Variants in NFIA observed in about 807,000 individuals in gnomAD.
NFIA encodes nuclear factor 1 A-type.
Under a neutral mutation model 62.8 loss-of-function variants are expected in NFIA, and 8 were observed. That is an observed-to-expected ratio of 0.13 (90% CI 0.07 to 0.23). The LOEUF is 0.23. Among genes scored for constraint, NFIA ranks in the 10% least tolerant of loss-of-function variants. NFIA has a pLI of 1.00. For missense variants in NFIA, 410 were observed against 642.1 expected (o/e 0.64, Z 3.91); for synonymous variants, 235 against 238.1 (o/e 0.99, Z 0.12).
chr1:61,159,129 G>A (rs1008424095), intron 2 of NFIA, among the ~76,000 whole-genome samples: 1 of 151,892 alleles, frequency 6.6e-6, no homozygotes, highest in Non-Finnish European at 1.5e-5. Context: ...AATAGCTACC[G>A]AGGAATTACC....
At chr1:61,293,996 A>G (rs1211423379) in intron 3 of NFIA, among the ~76,000 whole-genome samples, 2 of 152,234 alleles carry the variant, frequency 1.3e-5, no homozygotes, top group African/African-American at 4.8e-5. Flanking sequence ...CCATTTGTTG[A>G]GTTTAAATTA....
intron 2 of NFIA, among the ~76,000 whole-genome samples, chr1:61,220,260 G>A (rs1653935910): frequency 6.6e-6 from 1 of 152,148 alleles, no homozygotes; most frequent in African/African-American, 2.4e-5. Flanking sequence ...GTACATGTGT[G>A]TTTCTTCCCT....
intron 4 of NFIA, among the ~76,000 whole-genome samples, chr1:61,337,035 T>A (rs1301501507): frequency 6.6e-6 from 1 of 152,250 alleles, no homozygotes; most frequent in African/African-American, 2.4e-5. Context: ...AGGGAGGTGC[T>A]ATTTCAGTAT....
At chr1:61,283,003 G>A (rs1261480673) in intron 3 of NFIA, among the ~76,000 whole-genome samples, 1 of 152,114 alleles carries the variant, frequency 6.6e-6, no homozygotes, top group East Asian at 1.9e-4. Flanking sequence ...CATGATGCTT[G>A]CCCCAGATTT....
chr1:61,262,980 C>T (rs1656864200), intron 2 of NFIA, among the ~76,000 whole-genome samples: 1 of 152,198 alleles, frequency 6.6e-6, no homozygotes, highest in African/African-American at 2.4e-5. Flanking sequence ...TGAATAAACT[C>T]TGATTCTTAC....
chr1:61,310,764 TTTCCTTCC>T lies in NFIA; in HGVS notation c.626-21722_626-21715del, dbSNP rs372925891. On this transcript the variant is annotated intron_variant, in intron 3 of 10. Coordinates refer to ENST00000403491, the MANE Select transcript of NFIA (RefSeq NM_001134673.4). Reference sequence around the variant, plus strand: ...ATCCCCTCCTCCTGCTTCTCCCTCTTTTCCTTCCTTCCTTCCTTCCTTCCTTCCTTCCT... The same window carrying T: ...ATCCCCTCCTCCTGCTTCTCCCTCTTTTCCTTCCTTCCTTCCTTCCTTCCT... Among the ~76,000 whole-genome samples the T allele has an allele frequency of 5.0e-4, 65 of 129,412 alleles. 2 individuals are homozygous for T. The highest frequency in any genetic ancestry group is 8.2e-4 in the Admixed American group (11 of 13,412). 84.9% of individuals were successfully genotyped at this position (129,412 alleles called of 152,430 possible). A position where few individuals can be genotyped will look rare whatever the true frequency, so the allele number is the denominator to read the frequency against.
At chr1:61,209,854 A>C (rs1167660597) in intron 2 of NFIA, among the ~76,000 whole-genome samples, 2 of 151,668 alleles carry the variant, frequency 1.3e-5, no homozygotes, top group Non-Finnish European at 2.9e-5. Flanking sequence ...CTCTGTCTCA[A>C]AAAAAAAATT....
In NFIA at chr1:61,184,117, A is replaced by G. The variant is rs1461250307; in HGVS notation, c.560-93403A>G. The stretch of plus-strand genomic sequence containing the variant: ...ATCCGTAAGGTTTATGGGGGGGGGA[A>G]AAAAAACCAAAAAAAAAAAAAAAAA... On this transcript the variant is annotated intron_variant, in intron 2 of 10. Coordinates refer to ENST00000403491, the MANE Select transcript of NFIA (RefSeq NM_001134673.4). 2.0e-3 allele frequency among the ~76,000 whole-genome samples: 283 copies of G among 138,760 alleles called. 1 individual carries two copies. Among genetic ancestry groups the G allele is most frequent in the African/African-American group, 7.3e-3 (271 of 36,902 alleles). 91.0% of individuals were successfully genotyped at this position (138,760 alleles called of 152,430 possible). A position where few individuals can be genotyped will look rare whatever the true frequency, so the allele number is the denominator to read the frequency against.
intron 2 of NFIA, among the ~76,000 whole-genome samples, chr1:61,236,900 T>C (rs1178683142): frequency 6.6e-6 from 1 of 152,224 alleles, no homozygotes; most frequent in East Asian, 1.9e-4. Context: ...ACAACCTCTT[T>C]GAAGCCATAG....
chr1:61,092,418 G>C (rs929520961), intron 2 of NFIA, among the ~76,000 whole-genome samples: 1 of 152,130 alleles, frequency 6.6e-6, no homozygotes, highest in African/African-American at 2.4e-5. Flanking sequence ...TAGTGCAGTA[G>C]TTACTGATTG....
At chr1:61,375,914 A>G (rs1377658997) in intron 6 of NFIA, among the ~76,000 whole-genome samples, 1 of 152,162 alleles carries the variant, frequency 6.6e-6, no homozygotes, top group Non-Finnish European at 1.5e-5. Flanking sequence ...TTTATAAACC[A>G]TGCTATCCTG....
At chr1:61,452,227 T>G (rs922962926) in intron 10 of NFIA, among the ~76,000 whole-genome samples, 1 of 150,952 alleles carries the variant, frequency 6.6e-6, no homozygotes, top group Non-Finnish European at 1.5e-5. Flanking sequence ...TACAAACTGA[T>G]TAGGAGAAAA....
rs1453012587 is a variant in NFIA, at chr1:61,262,320, T to C, written c.560-15200T>C. 2.6e-5 allele frequency among the ~76,000 whole-genome samples: 4 copies of C among 152,352 alleles called. No homozygotes were observed. In the East Asian group the frequency reaches 7.7e-4, roughly 29 times the overall value. On this transcript the variant is annotated intron_variant, in intron 2 of 10. Transcript: ENST00000403491. The stretch of plus-strand genomic sequence containing the variant: ...GTTCATTATGACTTCAGTGTTTGTA[T>C]ACAGTTTTGAATAATTTATTTCTGT...
chr1:61,364,458 C>T (rs1663476519), intron 6 of NFIA, among the ~76,000 whole-genome samples: 1 of 152,246 alleles, frequency 6.6e-6, no homozygotes, highest in East Asian at 1.9e-4. Flanking sequence ...AATTTGCTAT[C>T]AAGAATACTC....
At chr1:61,084,489 G>A (rs1646183964) in intron 1 of NFIA, among the ~76,000 whole-genome samples, 2 of 151,622 alleles carry the variant, frequency 1.3e-5, no homozygotes, top group African/African-American at 4.9e-5. Flanking sequence ...AGTATGGAAT[G>A]AAACTTTTCC....
chr1:61,177,686 T>TG, intron 2 of NFIA, among the ~76,000 whole-genome samples: 2 of 151,252 alleles, frequency 1.3e-5, no homozygotes, highest in African/African-American at 4.9e-5. Context: ...TGTGTGTGTG[T>TG]TGGAATACCA....
intron 2 of NFIA, among the ~76,000 whole-genome samples, chr1:61,213,038 T>G (rs1653365650): frequency 6.6e-6 from 1 of 152,170 alleles, no homozygotes; most frequent in Non-Finnish European, 1.5e-5. Context: ...TTTCCCTGAC[T>G]TTTCCTATGT....
At chr1:61,301,794 C>A (rs1319829225) in intron 3 of NFIA, among the ~76,000 whole-genome samples, 2 of 152,136 alleles carry the variant, frequency 1.3e-5, no homozygotes, top group Non-Finnish European at 2.9e-5. Context: ...TCAGATTCTT[C>A]CTGAAAGCAG....
At chr1:61,091,612 G>T (rs1646321221) in intron 2 of NFIA, among the ~76,000 whole-genome samples, 1 of 152,160 alleles carries the variant, frequency 6.6e-6, no homozygotes, top group Non-Finnish European at 1.5e-5. Flanking sequence ...ACAACTTGGG[G>T]ATACTATGGT....
Sources: allele counts gnomAD v4.1 joint callset (sites outside exome capture counted in the v4.1 genomes callset), GRCh38; gene constraint gnomAD v4.1.1; transcripts MANE v1.5; gene names NCBI Gene and HGNC (gene_info 2026-07-23, HGNC 2026-07-21).